ALG12: variants seen among roughly 807,000 people sequenced by gnomAD.
The protein encoded by ALG12 is dol-P-Man:Man(7)GlcNAc(2)-PP-Dol alpha-1,6-mannosyltransferase.
In ALG12, 36 loss-of-function variants were observed where a neutral mutation model predicts 46.0. The observed-to-expected ratio is 0.78, with a 90% CI of 0.60 to 1.03. The LOEUF (loss-of-function observed/expected upper bound fraction) is 1.03, where lower values mean the gene tolerates loss of function less well. Ranked by LOEUF, ALG12 falls within the 50% of genes least tolerant of loss-of-function variation. The pLI is 0.00. For missense variants in ALG12, 599 were observed against 633.5 expected, an observed-to-expected ratio of 0.95 and a Z score of 0.58; for synonymous variants, 326 against 291.6, an observed-to-expected ratio of 1.12 and a Z score of -1.20.
the ALG12 span, among the ~76,000 whole-genome samples, chr22:49,873,222 A>G: frequency 6.6e-6 from 1 of 152,218 alleles, no homozygotes. Flanking sequence ...ACGTGCCTTC[A>G]TCACTAAGCT....
At chr22:49,895,151 G>A in the ALG12 span, among the ~76,000 whole-genome samples, 3 of 152,110 alleles carry the variant, frequency 2.0e-5, no homozygotes, top group East Asian at 5.8e-4. Flanking sequence ...ATTTTATAGG[G>A]CTCTGTGGCT....
chr22:49,915,905 A>T (rs1383306159), intron 1 of ALG12, among the ~76,000 whole-genome samples: 1 of 152,242 alleles, frequency 6.6e-6, no homozygotes, highest in East Asian at 1.9e-4. Flanking sequence ...AAGGCTGCCG[A>T]AGAAGAAATC....
Position 49,907,071 on chromosome 22 carries a change from C to T in ALG12, c.992+650G>A, listed in dbSNP as rs966538837. Among the ~76,000 whole-genome samples, 7 of 152,274 alleles carry T rather than the reference C, an allele frequency of 4.6e-5. No homozygotes were observed. In the East Asian group the frequency reaches 5.8e-4, roughly 13 times the overall value. ...CCCTCCACAGGACCTTGAGCCTGGG[C>T]CACGCTGGGCCCTCTGCACCCAGCC... On this transcript the variant is annotated intron_variant, in intron 7 of 9. Coordinates refer to ENST00000330817, the MANE Select transcript of ALG12 (RefSeq NM_024105.4).
chr22:49,872,954 C>T, the ALG12 span, among the ~76,000 whole-genome samples: 1 of 152,248 alleles, frequency 6.6e-6, no homozygotes, highest in East Asian at 1.9e-4. Context: ...CCTCGGCCTC[C>T]CAAAGTGCTA....
the ALG12 span, chr22:49,883,516 A>T: frequency 1.7e-6 from 2 of 1,148,820 alleles, no homozygotes; most frequent in Non-Finnish European, 2.4e-6. Context: ...TTTCAGTACT[A>T]TTTATGATTA....
At chr22:49,864,793 C>G in the ALG12 span, among the ~76,000 whole-genome samples, 1 of 128,454 alleles carries the variant, frequency 7.8e-6, no homozygotes, top group East Asian at 2.3e-4. Flanking sequence ...GCACTCCAGC[C>G]TGAGCGCCAG....
Position 49,909,168 on chromosome 22 carries a change from C to A in ALG12, c.768+76G>T. 4 of 1,441,618 alleles carry A rather than the reference C, an allele frequency of 2.8e-6. No homozygotes were observed. In the South Asian group the frequency reaches 4.6e-5, roughly 16 times the overall value. 89.3% of individuals were successfully genotyped at this position (1,441,618 alleles called of 1,614,324 possible). A position where few individuals can be genotyped will look rare whatever the true frequency, so the allele number is the denominator to read the frequency against. On this transcript the variant is annotated intron_variant, in intron 6 of 9. Transcript: ENST00000330817. The stretch of plus-strand genomic sequence containing the variant: ...GCAGAGAAGGGAGAAGCAGCTGCTT[C>A]CACTGCCCATGGAGGCCCAGGAGAT...
chr22:49,900,835 TGCCTGTCCTCCCTA>T lies in ALG12; in HGVS notation c.*2989_*3002del, dbSNP rs1311111015. ...TGTACGTGTGCAACTGCACGCAGCA[TGCCTGTCCTCCCTA>T]GCCTGTCCACAGAAAGGGCCTAAAG... On this transcript the variant is annotated 3_prime_UTR_variant, in exon 10 of 10. Coordinates refer to ENST00000330817, the MANE Select transcript of ALG12 (RefSeq NM_024105.4). The T allele has an allele frequency of 1.3e-5, 2 of 152,276 alleles. No homozygotes were observed. Among genetic ancestry groups the T allele is most frequent in the Admixed American group, 1.3e-4 (2 of 15,278 alleles). The allele number at this position is 152,276 out of a possible 1,614,324, so 9.4% of individuals were successfully genotyped here.
At chr22:49,886,498 G>A in the ALG12 span, 1 of 1,566,956 alleles carries the variant, frequency 6.4e-7, no homozygotes. This position sits in a 1 kb window ranked among gnomAD's most constrained non-coding sequence, Gnocchi z 7.7. Context: ...TGCGAGCCGG[G>A]AGATGAGCAC....
chr22:49,906,101 C>G lies in ALG12; in HGVS notation c.993-1595G>C, dbSNP rs2060540562. Among the ~76,000 whole-genome samples, 1 of 152,120 alleles carries G rather than the reference C, an allele frequency of 6.6e-6. No homozygotes were observed. Among genetic ancestry groups the G allele is most frequent in the Non-Finnish European group, 1.5e-5 (1 of 68,016 alleles). ...CCCTGCACCCCCTCATTTGGACTCC[C>G]CAAGTTTGTCCTCCTCCGGATAAGG... is the stretch of plus-strand genomic sequence containing the variant. On this transcript the variant is annotated intron_variant, in intron 7 of 9. Coordinates refer to ENST00000330817, the MANE Select transcript of ALG12 (RefSeq NM_024105.4). This position sits in a 1 kb window ranked among gnomAD's most constrained non-coding sequence, Gnocchi z 4.4.
At chr22:49,886,190 A>C in the ALG12 span, 1 of 730,212 alleles carries the variant, frequency 1.4e-6, no homozygotes, top group East Asian at 2.5e-5. The surrounding 1 kb of genome is among the most constrained non-coding windows in gnomAD (Gnocchi z 7.7). Flanking sequence ...ATTAAGAGCC[A>C]GCGGATGGTG....
At chr22:49,865,265 A>ACAC in the ALG12 span, among the ~76,000 whole-genome samples, 1 of 152,040 alleles carries the variant, frequency 6.6e-6, no homozygotes, top group Admixed American at 6.6e-5. Flanking sequence ...CAGTAAACAG[A>ACAC]TGGTGTCGTT....
In ALG12 at chr22:49,907,925, T is replaced by C. The variant is rs775468866; in HGVS notation, c.788A>G (p.Tyr263Cys). Residue 263 changes from tyrosine (Y) to cysteine (C), a missense_variant, in exon 7 of 10, where the codon TAC (tyrosine) becomes TGC (cysteine). Tyr to Cys is a radical substitution (Grantham distance 194, BLOSUM62 -2). Coordinates refer to ENST00000330817, the MANE Select transcript of ALG12 (RefSeq NM_024105.4). ...GCCGCGGGGCAGGGCTGAGTAGAAG[T>C]ACCACAGCAGCGGGGAGGTCTGCGG... ...SNWGTSPLLWYFYSALPRGLG... is the reference protein window; with the variant it reads ...SNWGTSPLLWCFYSALPRGLG... The C allele has an allele frequency of 6.2e-7, 1 of 1,613,066 alleles. No homozygotes were observed. Among genetic ancestry groups the C allele is most frequent in the Non-Finnish European group, 8.5e-7 (1 of 1,179,928 alleles).
rs1436530948 is a variant in ALG12, at chr22:49,906,333, G to C, written c.992+1388C>G. Among the ~76,000 whole-genome samples the C allele has an allele frequency of 6.6e-6, 1 of 152,148 alleles. No homozygotes were observed. Among genetic ancestry groups the C allele is most frequent in the Non-Finnish European group, 1.5e-5 (1 of 68,024 alleles). Reference sequence around the variant, plus strand: ...CTGGCTGGGGTCTGCTCCTCCTCCAGCCCTGAGCCGACCCCTGAGACGAGA... The same window carrying C: ...CTGGCTGGGGTCTGCTCCTCCTCCACCCCTGAGCCGACCCCTGAGACGAGA... On this transcript the variant is annotated intron_variant, in intron 7 of 9. Transcript: ENST00000330817. This position sits in a 1 kb window ranked among gnomAD's most constrained non-coding sequence, Gnocchi z 4.4.
At chr22:49,908,468 C>T (rs1383664503) in intron 6 of ALG12, among the ~76,000 whole-genome samples, 2 of 128,492 alleles carry the variant, frequency 1.6e-5, no homozygotes, top group Non-Finnish European at 3.1e-5. Flanking sequence ...TTGGAGGTTG[C>T]AGTGAGCCGA....
Position 49,913,460 on chromosome 22 carries a change from T to C in ALG12, c.220A>G (p.Ile74Val), listed in dbSNP as rs754351266. 6.2e-7 allele frequency: 1 copy of C among 1,614,012 alleles called. No homozygotes were observed. The highest frequency in any genetic ancestry group is 1.1e-5 in the South Asian group (1 of 91,090). The change falls in exon 3 of 10, where the codon ATC becomes GTC. Residue 74 changes from isoleucine (I) to valine (V), a missense_variant. Coordinates refer to ENST00000330817, the MANE Select transcript of ALG12 (RefSeq NM_024105.4). ...VPRTFLGPVVIAVFSSPAVYV... is the reference protein window; with the variant it reads ...VPRTFLGPVVVAVFSSPAVYV... Reference sequence around the variant, plus strand: ...ACCGCGGGGCTGGAGAACACTGCGATCACCACTGGCCCGAGGAACGTCCTG... The same window carrying C: ...ACCGCGGGGCTGGAGAACACTGCGACCACCACTGGCCCGAGGAACGTCCTG...
At position 49,908,645 on chromosome 22, in the gene ALG12, G is replaced by A. The variant is rs1337008199; in HGVS notation, c.768+599C>T. Among the ~76,000 whole-genome samples the A allele has an allele frequency of 1.4e-5, 2 of 145,220 alleles. 1 individual carries two copies. The highest frequency in any genetic ancestry group is 3.0e-5 in the Non-Finnish European group (2 of 66,954). ...TATGTTTGACATAATTCCTAAGAAA[G>A]CACTTTTTAAATGCAGATTGTCCGG... On this transcript the variant is annotated intron_variant, in intron 6 of 9. Coordinates refer to ENST00000330817, the MANE Select transcript of ALG12 (RefSeq NM_024105.4).
chr22:49,886,647 C>T, the ALG12 span: 15 of 1,598,386 alleles, frequency 9.4e-6, no homozygotes, highest in Admixed American at 1.2e-4. This position sits in a 1 kb window ranked among gnomAD's most constrained non-coding sequence, Gnocchi z 7.7. Context: ...GCCTGTCTGC[C>T]ACCCTCCACG....
Position 49,903,684 on chromosome 22 carries a change from G to T in ALG12, c.*154C>A. On this transcript the variant is annotated 3_prime_UTR_variant, in exon 10 of 10. Coordinates refer to ENST00000330817, the MANE Select transcript of ALG12 (RefSeq NM_024105.4). ...AGCCCCAGCTGAGGCTGTGGAGGAGGCCCTGGACCTGGTCTGGTGTCTGTC... is the reference window on the plus strand; with the variant it reads ...AGCCCCAGCTGAGGCTGTGGAGGAGTCCCTGGACCTGGTCTGGTGTCTGTC... 1.2e-6 allele frequency: 1 copy of T among 860,152 alleles called. No homozygotes were observed. Among genetic ancestry groups the T allele is most frequent in the Non-Finnish European group, 1.9e-6 (1 of 527,712 alleles). 53.3% of individuals were successfully genotyped at this position (860,152 alleles called of 1,614,324 possible).
Sources: gnomAD v4.1 joint callset for allele counts (sites outside exome capture counted in the v4.1 genomes callset) on GRCh38, gnomAD v4.1.1 for gene constraint, Gnocchi (gnomAD v3.1) non-coding constraint, MANE v1.5 for transcripts, NCBI Gene and HGNC (gene_info 2026-07-23, HGNC 2026-07-21) for gene names.